The following RALYL variants were observed in gnomAD, a reference collection of about 807,000 sequenced individuals.
RALYL encodes the protein RALY RNA binding protein like.
Under a neutral mutation model 35.1 loss-of-function variants are expected in RALYL, and 29 were observed. The ratio of observed to expected loss-of-function variants is 0.83; its 90% CI spans 0.61 to 1.13. The LOEUF (loss-of-function observed/expected upper bound fraction) is 1.13. RALYL is among the 50% of genes most tolerant of loss of function. The pLI, the probability that RALYL is intolerant of heterozygous loss-of-function variation, is 0.00. For synonymous variants in RALYL, 120 were observed against 127.6 expected, an observed-to-expected ratio of 0.94 and a Z score of 0.40; for missense variants, 359 against 360.4, an observed-to-expected ratio of 1.00 and a Z score of 0.03.
chr8:84,327,270 G>A (rs1845970818), intron 1 of RALYL, among the ~76,000 whole-genome samples: 1 of 151,962 alleles, frequency 6.6e-6, no homozygotes, highest in African/African-American at 2.4e-5. Flanking sequence ...GAATTTTTCA[G>A]GTGAAGTATA....
chr8:84,475,350 A>G (rs1054357519), intron 1 of RALYL, among the ~76,000 whole-genome samples: 7 of 152,038 alleles, frequency 4.6e-5, no homozygotes, highest in African/African-American at 1.7e-4. Flanking sequence ...CTCCTGTGTA[A>G]CTGGGACTAT....
intron 1 of RALYL, among the ~76,000 whole-genome samples, chr8:84,310,320 T>C (rs1454513122): frequency 6.6e-6 from 1 of 152,004 alleles, no homozygotes. Context: ...ATTACAGGCA[T>C]GAGCCACCAT....
At chr8:84,242,001 C>T (rs1828023321) in intron 1 of RALYL, among the ~76,000 whole-genome samples, 1 of 152,080 alleles carries the variant, frequency 6.6e-6, no homozygotes, top group Non-Finnish European at 1.5e-5. Flanking sequence ...GCCCTCCTTC[C>T]TCCCTCCCAC....
At chr8:84,779,495 T>A (rs1244323608) in intron 3 of RALYL, among the ~76,000 whole-genome samples, 1 of 152,188 alleles carries the variant, frequency 6.6e-6, no homozygotes, top group African/African-American at 2.4e-5. Flanking sequence ...TAAAAATCAA[T>A]CATCTGGTAC....
chr8:84,514,284 GTGTTAAGATGTTTTGAATGTTACATTT>G (rs1564066362), intron 1 of RALYL, among the ~76,000 whole-genome samples: 1 of 152,062 alleles, frequency 6.6e-6, no homozygotes, highest in East Asian at 1.9e-4. Context: ...AACCATGAAT[GTGTTAAGATGTTTTGAATGTTACATTT>G]TGTTTGGTCT....
At chr8:84,717,672 A>G (rs576021428) in intron 2 of RALYL, among the ~76,000 whole-genome samples, 2 of 152,192 alleles carry the variant, frequency 1.3e-5, no homozygotes, top group African/African-American at 4.8e-5. Flanking sequence ...ATCAGTTATG[A>G]TAATTTCATT....
chr8:84,571,126 T>A (rs187820698), intron 2 of RALYL, among the ~76,000 whole-genome samples: 32 of 151,904 alleles, frequency 2.1e-4, no homozygotes, highest in Non-Finnish European at 4.7e-4. Flanking sequence ...GATTTTGGTA[T>A]CAGGGTGATA....
At position 84,225,475 on chromosome 8, in the gene RALYL, T is replaced by C. The variant is rs985725630; in HGVS notation, c.-24+41051T>C. On this transcript the variant is annotated intron_variant, in intron 1 of 8. Transcript: ENST00000521268. ...GGCCCTGGCTGACTTGGCTCCTGCT[T>C]ATCTCTCCAACCTTGTCTTGTTTCC... 2.0e-5 allele frequency among the ~76,000 whole-genome samples: 3 copies of C among 152,182 alleles called. No individual in the cohort carries two copies. In the East Asian group the frequency reaches 5.8e-4, roughly 29 times the overall value.
intron 2 of RALYL, among the ~76,000 whole-genome samples, chr8:84,577,771 T>C (rs957852192): frequency 6.6e-6 from 1 of 152,168 alleles, no homozygotes; most frequent in Non-Finnish European, 1.5e-5. Context: ...TTAAAGATAA[T>C]GAGAAAATTA....
At chr8:84,224,583 T>A (rs1308510422) in intron 1 of RALYL, among the ~76,000 whole-genome samples, 1 of 152,092 alleles carries the variant, frequency 6.6e-6, no homozygotes, top group Non-Finnish European at 1.5e-5. Flanking sequence ...AAGCTAAGTA[T>A]AAAGTTTATT....
rs148169317 is a variant in RALYL at position 84,358,343 on chromosome 8, TAG to T, written c.-23-170951_-23-170950del. Among the ~76,000 whole-genome samples, 191 of 152,114 alleles carry T rather than the reference TAG, an allele frequency of 1.3e-3. 1 individual carries two copies. In the East Asian group the frequency reaches 0.026, roughly 21 times the overall value. ...GAGTATAGGACTTAATAGTGGAATT[TAG>T]AGAGTTCCCCAGAACTCTTCTTAGC... On this transcript the variant is annotated intron_variant, in intron 1 of 8. Transcript: ENST00000521268.
intron 1 of RALYL, among the ~76,000 whole-genome samples, chr8:84,300,170 A>G (rs933567968): frequency 4.6e-5 from 7 of 151,914 alleles, no homozygotes; most frequent in Admixed American, 4.6e-4. Context: ...GAATGTCTTG[A>G]TTTCTGCCTT....
intron 2 of RALYL, among the ~76,000 whole-genome samples, chr8:84,676,447 A>T (rs913260771): frequency 6.6e-6 from 1 of 152,198 alleles, no homozygotes; most frequent in Non-Finnish European, 1.5e-5. Context: ...TTGCAATCAA[A>T]ACCATGTCCT....
At chr8:84,424,134 A>T (rs919401677) in intron 1 of RALYL, among the ~76,000 whole-genome samples, 1 of 151,532 alleles carries the variant, frequency 6.6e-6, no homozygotes, top group African/African-American at 2.4e-5. Context: ...GGATAATATC[A>T]TGCAGAGTGT....
chr8:84,578,274 T>C (rs1190340907), intron 2 of RALYL, among the ~76,000 whole-genome samples: 1 of 152,168 alleles, frequency 6.6e-6, no homozygotes, highest in African/African-American at 2.4e-5. Context: ...TGTGGGTGTC[T>C]ACATCTGGAC....
chr8:84,219,709 A>T (rs1420749824), intron 1 of RALYL, among the ~76,000 whole-genome samples: 4 of 152,026 alleles, frequency 2.6e-5, no homozygotes, highest in African/African-American at 4.8e-5. Flanking sequence ...AAAGGAAATT[A>T]AAAAAGAAAT....
At chr8:84,816,032 C>CAAAAAAAA (rs5892931) in intron 4 of RALYL, among the ~76,000 whole-genome samples, 323 of 83,548 alleles carry the variant, frequency 3.9e-3, no homozygotes, top group Non-Finnish European at 4.3e-3. Context: ...GACTCTGTCT[C>CAAAAAAAA]AAAAAAAAAA....
intron 1 of RALYL, among the ~76,000 whole-genome samples, chr8:84,461,533 T>C (rs1234609989): frequency 6.6e-6 from 1 of 151,764 alleles, no homozygotes; most frequent in Non-Finnish European, 1.5e-5. Flanking sequence ...GTACAGTGTC[T>C]GCAAAATCTT....
intron 2 of RALYL, among the ~76,000 whole-genome samples, chr8:84,758,302 T>A (rs980532252): frequency 2.0e-5 from 3 of 152,202 alleles, no homozygotes; most frequent in African/African-American, 7.2e-5. Context: ...CTTTTTCTTT[T>A]TCTTACTATT....
Sources: gnomAD v4.1 joint callset for allele counts (sites outside exome capture counted in the v4.1 genomes callset) on GRCh38, gnomAD v4.1.1 for gene constraint, MANE v1.5 for transcripts, NCBI Gene and HGNC (gene_info 2026-07-23, HGNC 2026-07-21) for gene names.